CDYL2: variants seen among roughly 807,000 people sequenced by gnomAD.
CDYL2 encodes the protein chromodomain Y-like protein 2.
CDYL2 carries 23 observed loss-of-function variants against 49.4 expected under a neutral mutation model. The ratio of observed to expected loss-of-function variants is 0.47; its 90% confidence interval spans 0.34 to 0.66. The LOEUF (loss-of-function observed/expected upper bound fraction) is 0.66. Ranked by LOEUF, CDYL2 falls within the 30% of genes least tolerant of loss-of-function variation. CDYL2 has a pLI of 0.01. For synonymous variants in CDYL2, 360 were observed against 268.8 expected (o/e 1.34, Z -3.32); for missense variants, 678 against 656.4 (o/e 1.03, Z -0.36).
chr16:80,750,801 C>CCT, intron 1 of CDYL2, among the ~76,000 whole-genome samples: 1 of 152,156 alleles, frequency 6.6e-6, no homozygotes, highest in African/African-American at 2.4e-5. Context: ...AGGCGGATCA[C>CCT]GAGCTCAGGA....
At chr16:80,706,013 A>G (rs1197394665) in intron 1 of CDYL2, among the ~76,000 whole-genome samples, 2 of 152,242 alleles carry the variant, frequency 1.3e-5, no homozygotes, top group Non-Finnish European at 2.9e-5. Flanking sequence ...AGAGGGGTGT[A>G]ATCTGAACAT....
At chr16:80,713,251 A>G (rs1904681452) in intron 1 of CDYL2, among the ~76,000 whole-genome samples, 1 of 152,240 alleles carries the variant, frequency 6.6e-6, no homozygotes, top group African/African-American at 2.4e-5. Context: ...GCACGGATAA[A>G]TATGTAGCTG....
At position 80,612,770 on chromosome 16, in the gene CDYL2, C is replaced by T. The variant is rs989252793; in HGVS notation, c.1074G>A (p.Leu358=). ...PIVVAINGPA[L]GLGASILPLC... ...GGGGCAGGATGGAGGCACCCAGGCC[C>T]AGGGCCGGCCCATTGATGGCCACCA... The change falls in exon 5 of 7, where the codon CTG becomes CTA. Residue 358 remains leucine (L), a synonymous_variant. Transcript: ENST00000570137. The surrounding 1 kb of genome is among the most constrained non-coding windows in gnomAD (Gnocchi z 5.0). The T allele has an allele frequency of 2.5e-6, 4 of 1,613,738 alleles. No homozygotes were observed. The highest frequency in any genetic ancestry group is 2.7e-5 in the African/African-American group (2 of 74,918).
intron 1 of CDYL2, among the ~76,000 whole-genome samples, chr16:80,710,498 G>A (rs755092115): frequency 9.2e-5 from 14 of 152,170 alleles, no homozygotes; most frequent in East Asian, 1.9e-4. Flanking sequence ...GTGGATGTGC[G>A]TGTGTTTGTG....
rs1305224109 is a variant in CDYL2, at chr16:80,679,274, A to ATAAG, written c.616+5263_616+5264insCTTA. ...ACTTAAAGTATAATAATAAAAATAT[A>ATAAG]TAAATAAATAAATAAATAAACAAAC... On this transcript the variant is annotated intron_variant, in intron 2 of 6. Transcript: ENST00000570137. 1.7e-4 allele frequency among the ~76,000 whole-genome samples: 17 copies of ATAAG among 98,874 alleles called. No homozygotes were observed. In the East Asian group the frequency reaches 4.1e-3, roughly 24 times the overall value. The allele number at this position is 98,874 out of a possible 152,430, so 64.9% of individuals were successfully genotyped here.
intron 2 of CDYL2, among the ~76,000 whole-genome samples, chr16:80,660,631 T>C (rs1169777741): frequency 6.6e-6 from 1 of 152,190 alleles, no homozygotes; most frequent in Non-Finnish European, 1.5e-5. Flanking sequence ...AATATCTCAA[T>C]AATTACATTA....
intron 1 of CDYL2, among the ~76,000 whole-genome samples, chr16:80,794,467 G>A (rs1271708442): frequency 6.6e-6 from 1 of 152,070 alleles, no homozygotes; most frequent in Non-Finnish European, 1.5e-5. Context: ...GCCATATTCT[G>A]AGGTATGCTC....
At chr16:80,732,752 A>G (rs558212896) in intron 1 of CDYL2, among the ~76,000 whole-genome samples, 3 of 152,332 alleles carry the variant, frequency 2.0e-5, no homozygotes, top group Non-Finnish European at 4.4e-5. Context: ...ATGACTTTGA[A>G]TTGGCAGACT....
intron 2 of CDYL2, among the ~76,000 whole-genome samples, chr16:80,668,212 G>A (rs551808037): frequency 6.6e-6 from 1 of 152,212 alleles, no homozygotes. Context: ...CTCAGAAAGA[G>A]TTCCAAGACA....
At chr16:80,631,459 C>T (rs1046367257) in intron 3 of CDYL2, among the ~76,000 whole-genome samples, 1 of 152,204 alleles carries the variant, frequency 6.6e-6, no homozygotes, top group Admixed American at 6.5e-5. Flanking sequence ...GTCAATCTCA[C>T]TGCATTAAGT....
At chr16:80,622,353 G>C (rs1339595406) in intron 3 of CDYL2, among the ~76,000 whole-genome samples, 1 of 152,164 alleles carries the variant, frequency 6.6e-6, no homozygotes. Context: ...CCCTTGTGGG[G>C]TTGCCCAGGC....
Position 80,684,643 on chromosome 16 carries a change from C to G in CDYL2, c.511G>C (p.Gly171Arg). 6.2e-7 allele frequency: 1 copy of G among 1,614,196 alleles called. No homozygotes were observed. The highest frequency in any genetic ancestry group is 8.5e-7 in the Non-Finnish European group (1 of 1,180,038). Reference protein sequence around the residue: ...AGSEKDERHFGNGSHQPGLDL... With the variant: ...AGSEKDERHFRNGSHQPGLDL... The stretch of plus-strand genomic sequence containing the variant: ...AAGCCAGGCTGATGGGACCCATTTC[C>G]AAAGTGCCTCTCATCCTTCTCAGAG... Residue 171 changes from glycine (G) to arginine (R), a missense_variant, in exon 2 of 7, where the codon GGA (glycine) becomes CGA (arginine). This residue lies in a region of CDYL2 where 478 missense variants were observed against 427.0 expected (regional missense o/e 1.12). Transcript: ENST00000570137.
chr16:80,707,290 C>G (rs1283298827), intron 1 of CDYL2, among the ~76,000 whole-genome samples: 1 of 152,024 alleles, frequency 6.6e-6, no homozygotes, highest in African/African-American at 2.4e-5. Flanking sequence ...CAGCAAGATC[C>G]CCATCTCTAC....
chr16:80,601,552 T>C lies in CDYL2; in HGVS notation c.*2836A>G, dbSNP rs1398584810. 1 of 152,102 alleles carries C rather than the reference T, an allele frequency of 6.6e-6. No homozygotes were observed. Among genetic ancestry groups the C allele is most frequent in the Non-Finnish European group, 1.5e-5 (1 of 68,018 alleles). The allele number at this position is 152,102 out of a possible 1,614,324, so 9.4% of individuals were successfully genotyped here. On this transcript the variant is annotated 3_prime_UTR_variant, in exon 7 of 7. Transcript: ENST00000570137. ...GGGCCCTGGGGTGGAAGATCAAAAA[T>C]GAAAGTCTGAGCTCTGTCTCAGGAA...
chr16:80,742,497 A>ATGGATGG (rs1905776457), intron 1 of CDYL2, among the ~76,000 whole-genome samples: 1 of 75,470 alleles, frequency 1.3e-5, no homozygotes, highest in Non-Finnish European at 2.8e-5. Flanking sequence ...TGGATGGATG[A>ATGGATGG]ATAGATGGAT....
intron 2 of CDYL2, among the ~76,000 whole-genome samples, chr16:80,646,915 G>C (rs528132115): frequency 4.8e-4 from 69 of 143,632 alleles, no homozygotes; most frequent in Non-Finnish European, 9.5e-4. Context: ...GATGGAAAAA[G>C]ATATTCCTTG....
chr16:80,688,560 A>G (rs1910290088), intron 1 of CDYL2, among the ~76,000 whole-genome samples: 3 of 152,180 alleles, frequency 2.0e-5, no homozygotes, highest in Non-Finnish European at 4.4e-5. Context: ...GCAAACAAAC[A>G]CAAGGTTTTT....
intron 2 of CDYL2, among the ~76,000 whole-genome samples, chr16:80,649,120 G>C (rs1292134886): frequency 6.6e-6 from 1 of 152,100 alleles, no homozygotes; most frequent in Non-Finnish European, 1.5e-5. Context: ...ATTCAACATA[G>C]TACTGAAAGT....
intron 2 of CDYL2, among the ~76,000 whole-genome samples, chr16:80,648,374 T>TA (rs2142415386): frequency 6.6e-6 from 1 of 152,172 alleles, no homozygotes; most frequent in Non-Finnish European, 1.5e-5. Flanking sequence ...TATGAGCAAT[T>TA]ATATGCAATA....
Sources: gnomAD v4.1 joint callset for allele counts (sites outside exome capture counted in the v4.1 genomes callset) on GRCh38, gnomAD v4.1.1 for gene constraint, gnomAD v4.1.1 regional missense constraint, Gnocchi (gnomAD v3.1) non-coding constraint, MANE v1.5 for transcripts, NCBI Gene and HGNC (gene_info 2026-07-23, HGNC 2026-07-21) for gene names.